Variants in SULF2 observed in about 807,000 individuals in gnomAD.
The protein encoded by SULF2 is extracellular sulfatase Sulf-2.
SULF2 carries 52 observed loss-of-function variants against 107.7 expected under a neutral mutation model. The ratio of observed to expected loss-of-function variants is 0.48; its 90% CI spans 0.39 to 0.61. The LOEUF (loss-of-function observed/expected upper bound fraction) is 0.61. Among genes scored for constraint, SULF2 ranks in the 20% least tolerant of loss-of-function variants. SULF2 has a pLI of 0.00. For missense variants in SULF2, 993 were observed against 1,177.3 expected (o/e 0.84, Z 2.29); for synonymous variants, 460 against 464.3 (o/e 0.99, Z 0.12).
At chr20:47,662,852 C>T (rs184304159) in intron 17 of SULF2, among the ~76,000 whole-genome samples, 6 of 148,422 alleles carry the variant, frequency 4.0e-5, no homozygotes, top group Non-Finnish European at 4.5e-5. Context: ...ATATTACACA[C>T]GCAGGGTGAT....
At chr20:47,707,007 G>T (rs1447852704) in intron 3 of SULF2, 2 of 151,878 alleles carry the variant, frequency 1.3e-5, no homozygotes, top group Non-Finnish European at 2.9e-5. Context: ...ATTATTTTTT[G>T]AGATGGAGTC....
chr20:47,682,956 A>G, intron 7 of SULF2, 38 bp downstream of exon 7: 1 of 1,547,834 alleles, frequency 6.5e-7, no homozygotes, highest in Non-Finnish European at 8.8e-7. Flanking sequence ...AGCTGGGCCC[A>G]GGGGCCTCCC....
chr20:47,739,114 C>T (rs1056758940), intron 2 of SULF2, among the ~76,000 whole-genome samples: 1 of 152,184 alleles, frequency 6.6e-6, no homozygotes, highest in African/African-American at 2.4e-5. Context: ...GGAAGCACAG[C>T]CATGCTAACA....
chr20:47,688,414 A>C (rs973713927), intron 5 of SULF2, among the ~76,000 whole-genome samples: 5 of 152,186 alleles, frequency 3.3e-5, no homozygotes, highest in African/African-American at 1.2e-4. Flanking sequence ...TTTCAAAGGG[A>C]AAATAAACCA....
rs770162069 is a variant in SULF2, at chr20:47,732,634, G to A, written c.415+4069C>T. Reference sequence around the variant, plus strand: ...AGGAGGGTGGATCGCTTGAGGTCAGGAGTTCGAGGTCAGCCTGGCCAACAT... The same window carrying A: ...AGGAGGGTGGATCGCTTGAGGTCAGAAGTTCGAGGTCAGCCTGGCCAACAT... On this transcript the variant is annotated intron_variant, in intron 3 of 20. Coordinates refer to ENST00000688720, the MANE Select transcript of SULF2 (RefSeq NM_001387048.1). Among the ~76,000 whole-genome samples the A allele has an allele frequency of 3.1e-3, 275 of 87,580 alleles. 1 individual carries two copies. The highest frequency in any genetic ancestry group is 7.7e-3 in the Non-Finnish European group (229 of 29,698). 57.5% of individuals were successfully genotyped at this position (87,580 alleles called of 152,430 possible).
At chr20:47,729,545 G>A (rs1318883072) in intron 3 of SULF2, among the ~76,000 whole-genome samples, 1 of 152,172 alleles carries the variant, frequency 6.6e-6, no homozygotes, top group Non-Finnish European at 1.5e-5. Flanking sequence ...AGGCAGAGCT[G>A]ACAGGGTTTG....
chr20:47,692,071 T>C (rs1215201017), intron 4 of SULF2, among the ~76,000 whole-genome samples: 1 of 152,156 alleles, frequency 6.6e-6, no homozygotes, highest in Non-Finnish European at 1.5e-5. Context: ...CATACAACTC[T>C]TCCTGAATTT....
intron 2 of SULF2, among the ~76,000 whole-genome samples, chr20:47,742,390 C>G (rs1214512683): frequency 6.6e-6 from 1 of 152,208 alleles, no homozygotes; most frequent in Non-Finnish European, 1.5e-5. Flanking sequence ...CAGACAAAAA[C>G]AGACCCGGTT....
chr20:47,740,931 T>C (rs2089864183), intron 2 of SULF2, among the ~76,000 whole-genome samples: 1 of 152,120 alleles, frequency 6.6e-6, no homozygotes, highest in Admixed American at 6.5e-5. Flanking sequence ...CTCCGGGTAC[T>C]TGGGCAATCA....
intron 3 of SULF2, among the ~76,000 whole-genome samples, chr20:47,733,145 A>G (rs1340221284): frequency 2.0e-5 from 3 of 152,234 alleles, no homozygotes; most frequent in Non-Finnish European, 4.4e-5. Context: ...CTCAAAAAAC[A>G]CATGCAAATC....
chr20:47,765,367 A>C (rs1480264245), intron 1 of SULF2, among the ~76,000 whole-genome samples: 1 of 92,298 alleles, frequency 1.1e-5, no homozygotes, highest in Non-Finnish European at 2.1e-5. Flanking sequence ...AAAACAAAAC[A>C]AAACAAAAAA....
At chr20:47,677,423 T>C (rs6094774) in intron 8 of SULF2, among the ~76,000 whole-genome samples, 1,813 of 145,454 alleles carry the variant, frequency 0.012, 40 homozygotes, top group African/African-American at 0.044. Context: ...TGTGTGTGTG[T>C]GTGTGTGCGC....
At chr20:47,731,187 C>CTTTTT (rs71183273) in intron 3 of SULF2, among the ~76,000 whole-genome samples, 2,498 of 80,968 alleles carry the variant, frequency 0.031, 240 homozygotes, top group African/African-American at 0.12. Flanking sequence ...TGTATCTTCT[C>CTTTTT]TTTTTTTTTT....
chr20:47,726,339 G>A (rs1168310175), intron 3 of SULF2, among the ~76,000 whole-genome samples: 1 of 152,006 alleles, frequency 6.6e-6, no homozygotes, highest in Non-Finnish European at 1.5e-5. Flanking sequence ...CCAAGTAGCT[G>A]GGACTACAAG....
rs371522554 is a variant in SULF2, at chr20:47,690,314, C to G, written c.568-19G>C. On this transcript the variant is annotated intron_variant, in intron 4 of 20. Transcript: ENST00000688720. Reference sequence around the variant, plus strand: ...GGTAATCCTGGGGGGTGGGGAGAGACAGGAGAACAGGTGAGGAGCCAGGTA... The same window carrying G: ...GGTAATCCTGGGGGGTGGGGAGAGAGAGGAGAACAGGTGAGGAGCCAGGTA... 2 of 1,436,462 alleles carry G rather than the reference C, an allele frequency of 1.4e-6. No individual in the cohort carries two copies. The highest frequency in any genetic ancestry group is 1.4e-5 in the African/African-American group (1 of 69,606). 89.0% of individuals were successfully genotyped at this position (1,436,462 alleles called of 1,614,324 possible).
intron 4 of SULF2, 97 bp from the exon 5 acceptor site, chr20:47,690,392 A>T (rs537135824): frequency 2.1e-6 from 2 of 965,400 alleles, no homozygotes; most frequent in South Asian, 8.0e-5. Context: ...CTGGGGACAC[A>T]ATAGTGAACA....
In SULF2 at chr20:47,666,306, C is replaced by A; in HGVS notation, c.1759G>T (p.Gly587Cys). ...TTGGCGGCTGAGTAGTCGGGAAGGC[C>A]TCCAGTGCCACTGAAGTCCCCACCA... ...KDGGDFSGTG[G>C]LPDYSAANPI... Residue 587 changes from glycine (G) to cysteine (C), a missense_variant, in exon 12 of 21, where the codon GGC becomes TGC. Gly to Cys is a radical substitution (Grantham distance 159). Transcript: ENST00000688720. This position sits in a 1 kb window ranked among gnomAD's most constrained non-coding sequence, Gnocchi z 5.4. The A allele has an allele frequency of 1.2e-6, 2 of 1,614,250 alleles. No homozygotes were observed. Among genetic ancestry groups the A allele is most frequent in the African/African-American group, 2.7e-5 (2 of 75,070 alleles).
intron 14 of SULF2, 102 bp downstream of exon 14, chr20:47,665,097 G>A (rs2087216390): frequency 1.2e-6 from 1 of 809,660 alleles, no homozygotes; most frequent in Admixed American, 2.0e-5. Context: ...AGAAGATAAA[G>A]ATAAAAATAA....
At chr20:47,686,235 C>T (rs1304555311) in intron 5 of SULF2, 3 of 152,250 alleles carry the variant, frequency 2.0e-5, no homozygotes, top group African/African-American at 4.8e-5. Flanking sequence ...GGCAGGTCCC[C>T]AAACTTCTCT....
Sources: allele counts gnomAD v4.1 joint callset (sites outside exome capture counted in the v4.1 genomes callset), GRCh38; gene constraint gnomAD v4.1.1; non-coding constraint Gnocchi (gnomAD v3.1); transcripts MANE v1.5; gene names NCBI Gene and HGNC (gene_info 2026-07-23, HGNC 2026-07-21).